The following NSMCE2 variants were observed in gnomAD, a reference collection of about 807,000 sequenced individuals.
The protein encoded by NSMCE2 is NSE2 SUMO ligase component of SMC5/6 complex.
A neutral mutation model predicts 23.8 loss-of-function variants in NSMCE2; 24 were observed. That is an observed-to-expected ratio of 1.01 (90% confidence interval 0.73 to 1.42). The LOEUF is 1.42. Ranked by LOEUF, NSMCE2 falls within the 40% of genes most tolerant of loss-of-function variation. NSMCE2 has a pLI of 0.00. For synonymous variants in NSMCE2, 92 were observed against 94.1 expected, an observed-to-expected ratio of 0.98 and a Z score of 0.13; for missense variants, 284 against 296.5, an observed-to-expected ratio of 0.96 and a Z score of 0.31.
intron 5 of NSMCE2, among the ~76,000 whole-genome samples, chr8:125,187,157 T>C (rs1823144557): frequency 2.0e-5 from 3 of 152,190 alleles, no homozygotes; most frequent in African/African-American, 7.2e-5. Context: ...GACGGAAGAC[T>C]TGGATTTGAG....
intron 3 of NSMCE2, among the ~76,000 whole-genome samples, chr8:125,119,228 T>G (rs1022149851): frequency 5.3e-5 from 8 of 152,154 alleles, no homozygotes; most frequent in African/African-American, 1.9e-4. Flanking sequence ...TTTTCTTTCC[T>G]CCACCGACTG....
intron 5 of NSMCE2, among the ~76,000 whole-genome samples, chr8:125,194,831 T>A (rs1823535978): frequency 6.6e-6 from 1 of 152,252 alleles, no homozygotes; most frequent in African/African-American, 2.4e-5. Context: ...CTAATAAGTA[T>A]GTAGTGATAT....
At chr8:125,185,412 T>C (rs1021874834) in intron 5 of NSMCE2, among the ~76,000 whole-genome samples, 2 of 152,196 alleles carry the variant, frequency 1.3e-5, no homozygotes, top group African/African-American at 4.8e-5. Flanking sequence ...GTTCAAGTGA[T>C]TCTCCTGCCT....
In NSMCE2 at chr8:125,102,367, G is replaced by C. The variant is rs1194960703; in HGVS notation, c.37G>C (p.Gly13Arg). Reference sequence around the variant, plus strand: ...TTCCAGTTCAAATTCAGGTTCAACTGGTTTCATCTCCTTCAGTGGTGTAGA... The same window carrying C: ...TTCCAGTTCAAATTCAGGTTCAACTCGTTTCATCTCCTTCAGTGGTGTAGA... ...GRSSSNSGSTGFISFSGVESA... is the reference protein window; with the variant it reads ...GRSSSNSGSTRFISFSGVESA... Residue 13 changes from glycine to arginine, a missense_variant, in exon 3 of 8, where the codon GGT (glycine) becomes CGT (arginine). Around this residue, in one of 2 missense-constraint regions of NSMCE2, gnomAD observed 182 missense variants for 155.5 expected, o/e 1.17. Transcript: ENST00000287437. The C allele has an allele frequency of 1.2e-6, 2 of 1,613,722 alleles. No homozygotes were observed. The highest frequency in any genetic ancestry group is 2.7e-5 in the African/African-American group (2 of 74,912).
intron 5 of NSMCE2, among the ~76,000 whole-genome samples, chr8:125,280,827 T>C (rs1827660851): frequency 6.6e-6 from 1 of 152,200 alleles, no homozygotes; most frequent in African/African-American, 2.4e-5. Context: ...ATTCAAAGTT[T>C]GGTAAGGGAA....
chr8:125,092,686 A>G (rs1159435686), intron 1 of NSMCE2, among the ~76,000 whole-genome samples: 1 of 152,258 alleles, frequency 6.6e-6, no homozygotes, highest in Non-Finnish European at 1.5e-5. Context: ...CCATGGATTT[A>G]AAGGAAGTCA....
intron 1 of NSMCE2, among the ~76,000 whole-genome samples, chr8:125,093,462 G>A (rs1462273812): frequency 6.6e-6 from 1 of 152,182 alleles, no homozygotes; most frequent in Non-Finnish European, 1.5e-5. Flanking sequence ...GCCAAGGCGG[G>A]CGGATCACTT....
intron 5 of NSMCE2, among the ~76,000 whole-genome samples, chr8:125,219,702 G>C (rs1316847156): frequency 6.6e-6 from 1 of 152,136 alleles, no homozygotes; most frequent in Non-Finnish European, 1.5e-5. Context: ...TTCTCCCGTG[G>C]TTATAAGACT....
intron 7 of NSMCE2, among the ~76,000 whole-genome samples, chr8:125,363,939 TTTTG>T (rs959054851): frequency 5.3e-5 from 8 of 152,030 alleles, no homozygotes; most frequent in African/African-American, 1.9e-4. Flanking sequence ...GGCACTTTTT[TTTTG>T]TTTGTTTTGT....
In NSMCE2 at chr8:125,174,767, A is replaced by G. The variant is rs142886273; in HGVS notation, c.265-7336A>G. 6.6e-3 allele frequency among the ~76,000 whole-genome samples: 1,009 copies of G among 152,322 alleles called. 8 individuals carry two copies. Among genetic ancestry groups the G allele is most frequent in the African/African-American group, 0.023 (975 of 41,572 alleles). ...GTAGTGTATTACAACACCTTGGCAAACCGTGAAGTCCACTTGATGTGTCGT... is the reference window on the plus strand; with the variant it reads ...GTAGTGTATTACAACACCTTGGCAAGCCGTGAAGTCCACTTGATGTGTCGT... On this transcript the variant is annotated intron_variant, in intron 4 of 7. Coordinates refer to ENST00000287437, the MANE Select transcript of NSMCE2 (RefSeq NM_173685.4).
chr8:125,350,155 G>A (rs888253013), intron 5 of NSMCE2, among the ~76,000 whole-genome samples: 5 of 152,192 alleles, frequency 3.3e-5, no homozygotes, highest in Non-Finnish European at 7.3e-5. Flanking sequence ...GGAAGAGAAC[G>A]AGGGAGGGGG....
chr8:125,307,105 C>A (rs527890946), intron 5 of NSMCE2, among the ~76,000 whole-genome samples: 1 of 152,294 alleles, frequency 6.6e-6, no homozygotes, highest in South Asian at 2.1e-4. Flanking sequence ...AGGAAAGAGT[C>A]CAGCATTTGT....
intron 5 of NSMCE2, among the ~76,000 whole-genome samples, chr8:125,249,156 G>A (rs1159522559): frequency 1.3e-5 from 2 of 149,114 alleles, no homozygotes; most frequent in Non-Finnish European, 3.0e-5. Context: ...GGGTGACGGA[G>A]CAAGACTCTG....
chr8:125,253,165 A>G (rs1826264377), intron 5 of NSMCE2, among the ~76,000 whole-genome samples: 1 of 152,236 alleles, frequency 6.6e-6, no homozygotes, highest in African/African-American at 2.4e-5. Flanking sequence ...GCTAGATTAT[A>G]TCTGAAATAG....
At chr8:125,204,398 A>G (rs576699843) in intron 5 of NSMCE2, among the ~76,000 whole-genome samples, 34 of 152,132 alleles carry the variant, frequency 2.2e-4, no homozygotes, top group Non-Finnish European at 3.8e-4. Flanking sequence ...TCCCGAGAGG[A>G]CACTATACTG....
chr8:125,275,553 C>T (rs1397366212), intron 5 of NSMCE2, among the ~76,000 whole-genome samples: 8 of 152,136 alleles, frequency 5.3e-5, no homozygotes, highest in Non-Finnish European at 2.9e-5. Flanking sequence ...TGTATTTCCT[C>T]GTTGGCTGCC....
intron 3 of NSMCE2, among the ~76,000 whole-genome samples, chr8:125,109,229 C>A (rs957074366): frequency 6.6e-6 from 1 of 152,172 alleles, no homozygotes; most frequent in African/African-American, 2.4e-5. Context: ...GGCAAATTCT[C>A]TACCCTCCAA....
intron 5 of NSMCE2, among the ~76,000 whole-genome samples, chr8:125,351,871 G>A (rs1379800451): frequency 1.3e-5 from 2 of 152,182 alleles, no homozygotes; most frequent in East Asian, 3.9e-4. Context: ...AAATTAACCA[G>A]GCATGATGGT....
intron 5 of NSMCE2, among the ~76,000 whole-genome samples, chr8:125,235,344 A>C (rs1825500226): frequency 6.6e-6 from 1 of 151,638 alleles, no homozygotes; most frequent in Non-Finnish European, 1.5e-5. Context: ...TTTGCCCTTG[A>C]GCATATATTT....
Sources: allele counts gnomAD v4.1 joint callset (sites outside exome capture counted in the v4.1 genomes callset), GRCh38; gene constraint gnomAD v4.1.1; regional missense constraint gnomAD v4.1.1; transcripts MANE v1.5; gene names NCBI Gene and HGNC (gene_info 2026-07-23, HGNC 2026-07-21).